ST7: variants seen among roughly 807,000 people sequenced by gnomAD.
ST7 encodes the protein suppression of tumorigenicity 7, also known as suppressor of tumorigenicity 7 protein.
Under a neutral mutation model 78.7 loss-of-function variants are expected in ST7, and 28 were observed. The ratio of observed to expected loss-of-function variants is 0.36; its 90% CI spans 0.26 to 0.49. The LOEUF is 0.49. Among genes scored for constraint, ST7 ranks in the 20% least tolerant of loss-of-function variants. ST7 has a pLI of 0.99. For synonymous variants in ST7, 247 were observed against 249.6 expected (o/e 0.99, Z 0.10); for missense variants, 418 against 696.0 (o/e 0.60, Z 4.49).
chr7:116,968,772 C>T (rs1488799880), intron 1 of ST7, among the ~76,000 whole-genome samples: 1 of 152,114 alleles, frequency 6.6e-6, no homozygotes, highest in Admixed American at 6.5e-5. Flanking sequence ...GCTTTCAAAT[C>T]ATAGTGGTAG....
chr7:117,139,306 CT>C (rs1249457337), intron 9 of ST7, among the ~76,000 whole-genome samples: 1 of 152,034 alleles, frequency 6.6e-6, no homozygotes, highest in Non-Finnish European at 1.5e-5. Flanking sequence ...CTCAGAAAAC[CT>C]TTGTCAACAT....
intron 8 of ST7, 57 bp downstream of exon 8, chr7:117,136,292 C>G (rs1192559436): frequency 6.2e-7 from 1 of 1,605,392 alleles, no homozygotes; most frequent in Admixed American, 1.7e-5. Context: ...AATTATTAAT[C>G]AGAGCAAATT....
chr7:117,183,202 G>A (rs149789568), intron 10 of ST7, among the ~76,000 whole-genome samples: 1 of 152,086 alleles, frequency 6.6e-6, no homozygotes, highest in Non-Finnish European at 1.5e-5. Context: ...AAGGTGGGCA[G>A]AACAGTTGAG....
intron 9 of ST7, among the ~76,000 whole-genome samples, chr7:117,163,576 G>T (rs1344822162): frequency 6.6e-6 from 1 of 151,942 alleles, no homozygotes; most frequent in Admixed American, 6.6e-5. Flanking sequence ...AGATTTGTTG[G>T]CCATTTGTAT....
intron 2 of ST7, among the ~76,000 whole-genome samples, 189 bp from the exon 3 acceptor site, chr7:117,119,372 A>G (rs1035970184): frequency 1.3e-5 from 2 of 152,230 alleles, no homozygotes; most frequent in Admixed American, 6.5e-5. Flanking sequence ...AGTATTAAGC[A>G]GAGAAAACCA....
intron 1 of ST7, among the ~76,000 whole-genome samples, chr7:117,014,048 C>G (rs1795491139): frequency 6.6e-6 from 1 of 152,218 alleles, no homozygotes; most frequent in South Asian, 2.1e-4. Context: ...CCAAACACCC[C>G]ACTACTCCAG....
chr7:117,139,852 T>C (rs1805125116), intron 9 of ST7, among the ~76,000 whole-genome samples: 1 of 152,228 alleles, frequency 6.6e-6, no homozygotes, highest in Non-Finnish European at 1.5e-5. Context: ...GCTTTTTAAC[T>C]TACAGAAATT....
chr7:117,198,754 A>C (rs1810541946), intron 12 of ST7, among the ~76,000 whole-genome samples: 1 of 152,080 alleles, frequency 6.6e-6, no homozygotes, highest in Non-Finnish European at 1.5e-5. Flanking sequence ...CAGGCCTGAA[A>C]GCCTGTCCTA....
chr7:117,019,318 GC>G (rs1342000039), intron 1 of ST7, among the ~76,000 whole-genome samples: 1 of 152,126 alleles, frequency 6.6e-6, no homozygotes, highest in Non-Finnish European at 1.5e-5. Context: ...AAGTTCATAT[GC>G]TTCTAGTACT....
At chr7:117,039,922 A>G (rs987834993) in intron 1 of ST7, among the ~76,000 whole-genome samples, 1 of 152,176 alleles carries the variant, frequency 6.6e-6, no homozygotes, top group Non-Finnish European at 1.5e-5. Flanking sequence ...AGGTGTCCCA[A>G]GGGAAATAAT....
rs142173515 is a variant in ST7 at position 117,024,092 on chromosome 7, G to A, written c.151+70401G>A. Among the ~76,000 whole-genome samples, 304 of 152,188 alleles carry A rather than the reference G, an allele frequency of 2.0e-3. 2 individuals are homozygous for A. The highest frequency in any genetic ancestry group is 6.2e-3 in the African/African-American group (258 of 41,522). ...ACCTCCCAAAGTGCTGGGATTATAG[G>A]TGTAAGCCACCACACCTGGCTGATT... is the stretch of plus-strand genomic sequence containing the variant. On this transcript the variant is annotated intron_variant, in intron 1 of 15. Coordinates refer to ENST00000323984, the MANE Select transcript of ST7 (RefSeq NM_001369598.1).
chr7:117,012,196 A>G (rs1795412481), intron 1 of ST7, among the ~76,000 whole-genome samples: 1 of 152,332 alleles, frequency 6.6e-6, no homozygotes, highest in Non-Finnish European at 1.5e-5. Context: ...TGATCATAGA[A>G]TATAGAAAGA....
Position 117,190,929 on chromosome 7 carries a change from T to C in ST7, c.1247T>C (p.Val416Ala), listed in dbSNP as rs1809717551. Reference sequence around the variant, plus strand: ...AGAGCTGTGGAATTCAATCCTCATGTGCCAAAAGTGAGTCTGTGGAATCCC... The same window carrying C: ...AGAGCTGTGGAATTCAATCCTCATGCGCCAAAAGTGAGTCTGTGGAATCCC... ...IHRAVEFNPH[V>A]PKYLLEMKSL... Residue 416 changes from valine to alanine, a missense_variant, in exon 12 of 16, where the codon GTG becomes GCG. Coordinates refer to ENST00000323984, the MANE Select transcript of ST7 (RefSeq NM_001369598.1). This position sits in a 1 kb window ranked among gnomAD's most constrained non-coding sequence, Gnocchi z 5.2. 1.4e-5 allele frequency: 23 copies of C among 1,613,362 alleles called. No homozygotes were observed. The highest frequency in any genetic ancestry group is 2.0e-5 in the Non-Finnish European group (23 of 1,179,324).
chr7:117,184,504 T>C (rs1448939754), intron 10 of ST7, among the ~76,000 whole-genome samples: 1 of 152,248 alleles, frequency 6.6e-6, no homozygotes, highest in Non-Finnish European at 1.5e-5. Flanking sequence ...TCACTACTGG[T>C]AGCTACTCTA....
chr7:116,964,935 A>G (rs1021566827), intron 1 of ST7, among the ~76,000 whole-genome samples: 1 of 152,214 alleles, frequency 6.6e-6, no homozygotes, highest in Non-Finnish European at 1.5e-5. Flanking sequence ...TTTCTCTTAC[A>G]TTATTTGAAC....
At chr7:117,031,147 G>A (rs1796453389) in intron 1 of ST7, among the ~76,000 whole-genome samples, 1 of 151,922 alleles carries the variant, frequency 6.6e-6, no homozygotes, top group Non-Finnish European at 1.5e-5. Context: ...GAGAACACAT[G>A]GACAGAAATT....
chr7:117,104,656 T>TA (rs1214942952), intron 2 of ST7, among the ~76,000 whole-genome samples: 1 of 152,226 alleles, frequency 6.6e-6, no homozygotes, highest in African/African-American at 2.4e-5. Flanking sequence ...GTCAAAGAGA[T>TA]ACCTGCAGTC....
rs1175146545 is a variant in ST7 at position 117,103,153 on chromosome 7, CTG to C, written c.234+3312_234+3313del. Among the ~76,000 whole-genome samples the C allele has an allele frequency of 7.2e-5, 11 of 152,090 alleles. No homozygotes were observed. The South Asian group carries it at 2.3e-3, about 32-fold the overall frequency. On this transcript the variant is annotated intron_variant, in intron 2 of 15. Coordinates refer to ENST00000323984, the MANE Select transcript of ST7 (RefSeq NM_001369598.1). ...TTAATATCATCAAAATGACAATACT[CTG>C]TGAATAAATTTTATAATACTCTGCA... is the stretch of plus-strand genomic sequence containing the variant.
chr7:117,136,188 G>C lies in ST7; in HGVS notation c.818G>C (p.Arg273Pro). The change falls in exon 8 of 16, where the codon CGC becomes CCC. Residue 273 changes from arginine (R) to proline (P), a missense_variant. Coordinates refer to ENST00000323984, the MANE Select transcript of ST7 (RefSeq NM_001369598.1). ...AAGGCTGGAGATGGCTGTTACCGAC[G>C]CTCTCAGCAGCTACAACATCATGGA... is the stretch of plus-strand genomic sequence containing the variant. ...ALKAGDGCYR[R>P]SQQLQHHGSQ... The C allele has an allele frequency of 6.2e-7, 1 of 1,613,574 alleles. No homozygotes were observed. Among genetic ancestry groups the C allele is most frequent in the Non-Finnish European group, 8.5e-7 (1 of 1,179,670 alleles).
Sources: gnomAD v4.1 joint callset for allele counts (sites outside exome capture counted in the v4.1 genomes callset) on GRCh38, gnomAD v4.1.1 for gene constraint, Gnocchi (gnomAD v3.1) non-coding constraint, MANE v1.5 for transcripts, NCBI Gene and HGNC (gene_info 2026-07-23, HGNC 2026-07-21) for gene names.